The following COL19A1 variants were observed in gnomAD, a reference collection of about 807,000 sequenced individuals.
COL19A1 encodes collagen alpha-1(XIX) chain.
COL19A1 carries 159 observed loss-of-function variants against 190.2 expected under a neutral mutation model. The ratio of observed to expected loss-of-function variants is 0.84; its 90% confidence interval spans 0.73 to 0.95. The LOEUF (loss-of-function observed/expected upper bound fraction) is 0.95. Ranked by LOEUF, COL19A1 falls within the 40% of genes least tolerant of loss-of-function variation. The pLI, the probability that COL19A1 is intolerant of heterozygous loss-of-function variation, is 0.00. For missense variants in COL19A1, 1,418 were observed against 1,431.9 expected, an observed-to-expected ratio of 0.99 and a Z score of 0.16; for synonymous variants, 509 against 458.9, an observed-to-expected ratio of 1.11 and a Z score of -1.39.
Position 70,137,747 on chromosome 6 carries a change from T to C in COL19A1, c.1446T>C (p.Pro482=), listed in dbSNP as rs1423182177. 1.2e-6 allele frequency: 2 copies of C among 1,612,974 alleles called. No individual in the cohort carries two copies. The highest frequency in any genetic ancestry group is 2.7e-5 in the African/African-American group (2 of 74,890). Residue 482 remains proline, a splice_region_variant and synonymous_variant, in exon 19 of 51, where the codon CCT becomes CCC. Coordinates refer to ENST00000620364, the MANE Select transcript of COL19A1 (RefSeq NM_001858.6). ...GCCCTAAAGGACAAAAAGGAGAACC[T>C]GTAAGTATTTTAGCTTTGAGGACAG... The part of the protein sequence containing the change: ...SVGPKGQKGE[P]GEPFTKGEKG...
In COL19A1 at chr6:70,161,990, TA is replaced by T; in HGVS notation, c.2346+38del. ...TTAAAACGATTGCACTCACAGCTTATATCTGCTGGTTTGATGCAAGGTGAAT... is the reference window on the plus strand; with the variant it reads ...TTAAAACGATTGCACTCACAGCTTATTCTGCTGGTTTGATGCAAGGTGAAT... On this transcript the variant is annotated intron_variant, in intron 35 of 50. Coordinates refer to ENST00000620364, the MANE Select transcript of COL19A1 (RefSeq NM_001858.6). 9 of 1,563,462 alleles carry T rather than the reference TA, an allele frequency of 5.8e-6. No individual in the cohort carries two copies. In the South Asian group the frequency reaches 1.1e-4, roughly 19 times the overall value.
intron 2 of COL19A1, among the ~76,000 whole-genome samples, chr6:69,895,268 A>G (rs2096059): frequency 0.17 from 25,868 of 152,200 alleles, 2,842 homozygotes; most frequent in African/African-American, 0.3. Context: ...GGAGCGACAG[A>G]GGGTGGTGGG....
intron 48 of COL19A1, among the ~76,000 whole-genome samples, chr6:70,198,931 G>A (rs550805142): frequency 1.4e-3 from 209 of 152,236 alleles, no homozygotes; most frequent in African/African-American, 4.8e-3. Flanking sequence ...GTTCATGTGC[G>A]TGGCCACTGG....
chr6:69,964,826 G>A (rs140810957), intron 11 of COL19A1, among the ~76,000 whole-genome samples: 6 of 152,190 alleles, frequency 3.9e-5, no homozygotes, highest in South Asian at 4.1e-4. Flanking sequence ...TGTAATAACC[G>A]TTATGTTACT....
intron 15 of COL19A1, among the ~76,000 whole-genome samples, chr6:70,076,095 C>T (rs753984560): frequency 2.0e-5 from 3 of 152,058 alleles, no homozygotes; most frequent in Non-Finnish European, 4.4e-5. Context: ...GCCTCTGAGC[C>T]GAGTGGCTGA....
intron 33 of COL19A1, 130 bp from the exon 34 acceptor site, chr6:70,156,532 CTTGCAAAT>C: frequency 9.4e-7 from 1 of 1,059,942 alleles, no homozygotes; most frequent in East Asian, 2.6e-5. Context: ...GTAAAAGTCA[CTTGCAAAT>C]GTTGCCATTT....
At chr6:69,913,749 A>AT (rs1254616286) in intron 4 of COL19A1, among the ~76,000 whole-genome samples, 1 of 152,162 alleles carries the variant, frequency 6.6e-6, no homozygotes, top group Non-Finnish European at 1.5e-5. Context: ...CTTTATTCAT[A>AT]TTTTAAAAAA....
rs752244058 is a variant in COL19A1 at position 69,962,860 on chromosome 6, C to T, written c.1016C>T (p.Thr339Ile). 1 of 1,607,282 alleles carries T rather than the reference C, an allele frequency of 6.2e-7. No individual in the cohort carries two copies. The highest frequency in any genetic ancestry group is 2.2e-5 in the East Asian group (1 of 44,504). ...EQGFEGSKGE[T>I]GEKGEQGEKG... ...GGTTTTGAAGGCAGCAAAGGAGAAA[C>T]TGGTGAAAAGGTAAATATCTCTTTT... The change falls in exon 11 of 51, where the codon ACT becomes ATT. Residue 339 changes from threonine to isoleucine, a missense_variant. By Grantham distance (89) the Thr-to-Ile change is moderately conservative (BLOSUM62 -1). Transcript: ENST00000620364.
At chr6:70,102,122 T>C in intron 15 of COL19A1, 47 bp from the exon 16 acceptor site, 2 of 1,397,290 alleles carry the variant, frequency 1.4e-6, no homozygotes, top group Non-Finnish European at 2.0e-6. Context: ...GATATTAAAA[T>C]ATAATGGAGT....
chr6:69,921,050 A>ATATT (rs1771703877), intron 4 of COL19A1, among the ~76,000 whole-genome samples: 1 of 30,400 alleles, frequency 3.3e-5, no homozygotes, highest in African/African-American at 8.7e-5. Context: ...ATATTCATAG[A>ATATT]CATATCATAT....
At chr6:70,201,453 G>A (rs1767546886) in intron 49 of COL19A1, among the ~76,000 whole-genome samples, 1 of 152,158 alleles carries the variant, frequency 6.6e-6, no homozygotes, top group African/African-American at 2.4e-5. Flanking sequence ...CTGCTCTTGT[G>A]CCTCAAAGAT....
At chr6:70,006,125 TA>T (rs1777608713) in intron 11 of COL19A1, among the ~76,000 whole-genome samples, 1 of 152,178 alleles carries the variant, frequency 6.6e-6, no homozygotes, top group South Asian at 2.1e-4. Flanking sequence ...TGCTGGCTGC[TA>T]CCCCTTCCTC....
At chr6:70,132,281 C>G (rs1037430511) in intron 18 of COL19A1, among the ~76,000 whole-genome samples, 2 of 151,990 alleles carry the variant, frequency 1.3e-5, no homozygotes, top group African/African-American at 4.8e-5. Flanking sequence ...ACCTGTGGTC[C>G]CAGCTTCCCA....
At chr6:69,979,471 T>C (rs1775915961) in intron 11 of COL19A1, among the ~76,000 whole-genome samples, 1 of 151,880 alleles carries the variant, frequency 6.6e-6, no homozygotes, top group African/African-American at 2.4e-5. Flanking sequence ...TATTCATTCC[T>C]AATAAGATCT....
intron 11 of COL19A1, among the ~76,000 whole-genome samples, chr6:70,009,527 T>C (rs182574011): frequency 4.6e-5 from 7 of 152,248 alleles, no homozygotes; most frequent in Non-Finnish European, 8.8e-5. Context: ...GTTCTTTAGA[T>C]ATTGATCTAT....
chr6:70,023,133 ATTT>A (rs11383774), intron 11 of COL19A1, among the ~76,000 whole-genome samples: 3 of 110,088 alleles, frequency 2.7e-5, no homozygotes, highest in Non-Finnish European at 4.0e-5. Context: ...TTATGCAGCT[ATTT>A]TTTTTTTTTT....
In COL19A1 at chr6:70,184,431, G is replaced by A. The variant is rs1517045; in HGVS notation, c.2776-272G>A. Among the ~76,000 whole-genome samples the A allele has an allele frequency of 0.64, 97,970 of 152,110 alleles. 32,098 individuals are homozygous for A. The highest frequency in any genetic ancestry group is 0.75 in the South Asian group (3,614 of 4,830). ...GTTATTTCACTTAATTCTTAGTTTT[G>A]AGGTTATTTATTTTCCTCACTAGTG... On this transcript the variant is annotated intron_variant, in intron 44 of 50. Coordinates refer to ENST00000620364, the MANE Select transcript of COL19A1 (RefSeq NM_001858.6).
At chr6:69,883,246 A>G (rs1010720083) in intron 2 of COL19A1, among the ~76,000 whole-genome samples, 1 of 152,210 alleles carries the variant, frequency 6.6e-6, no homozygotes, top group Non-Finnish European at 1.5e-5. Flanking sequence ...TGAGAAATGC[A>G]TCTGTGCTTT....
chr6:69,925,795 C>G (rs1433075810), intron 4 of COL19A1, among the ~76,000 whole-genome samples: 3 of 152,076 alleles, frequency 2.0e-5, no homozygotes, highest in South Asian at 2.1e-4. Flanking sequence ...TTGAAGAGGT[C>G]CTTCACATCC....
Sources: allele counts gnomAD v4.1 joint callset (sites outside exome capture counted in the v4.1 genomes callset), GRCh38; gene constraint gnomAD v4.1.1; transcripts MANE v1.5; gene names NCBI Gene and HGNC (gene_info 2026-07-23, HGNC 2026-07-21).